ZNF385D: variants seen among roughly 807,000 people sequenced by gnomAD.
ZNF385D encodes zinc finger protein 659.
A neutral mutation model predicts 35.8 loss-of-function variants in ZNF385D; 15 were observed. That is an observed-to-expected ratio of 0.42 (90% CI 0.28 to 0.64). The LOEUF is 0.64. ZNF385D is among the 30% of genes least tolerant of loss of function. The probability of loss-of-function intolerance (pLI) is 0.23; values close to 1 mark genes in which losing one functional copy is unlikely to be tolerated. For synonymous variants in ZNF385D, 212 were observed against 186.8 expected, an observed-to-expected ratio of 1.13 and a Z score of -1.10; for missense variants, 474 against 494.6, an observed-to-expected ratio of 0.96 and a Z score of 0.39.
chr3:21,602,823 G>T (rs947537053), intron 2 of ZNF385D, among the ~76,000 whole-genome samples: 1 of 151,972 alleles, frequency 6.6e-6, no homozygotes, highest in Admixed American at 6.6e-5. Context: ...GTGAGCCACC[G>T]CGCCCGGCCT....
intron 3 of ZNF385D, among the ~76,000 whole-genome samples, chr3:21,999,893 G>A (rs934002776): frequency 2.0e-5 from 3 of 152,074 alleles, no homozygotes; most frequent in South Asian, 2.1e-4. Context: ...AGAAGAGATG[G>A]GTGAAGGCAA....
chr3:21,944,565 G>C (rs975317209), intron 3 of ZNF385D, among the ~76,000 whole-genome samples: 7 of 152,128 alleles, frequency 4.6e-5, no homozygotes, highest in African/African-American at 1.7e-4. Context: ...CTGAAATTAC[G>C]TCAACCCTGT....
chr3:22,175,488 G>A (rs988959521), intron 2 of ZNF385D, among the ~76,000 whole-genome samples: 1 of 151,990 alleles, frequency 6.6e-6, no homozygotes, highest in East Asian at 1.9e-4. Context: ...GATTTGAAAG[G>A]TGGCTCTAGC....
At chr3:21,501,587 G>A (rs1191248642) in intron 4 of ZNF385D, among the ~76,000 whole-genome samples, 1 of 152,132 alleles carries the variant, frequency 6.6e-6, no homozygotes, top group Non-Finnish European at 1.5e-5. Flanking sequence ...CCATATTGGA[G>A]ACAAAATTCT....
intron 3 of ZNF385D, among the ~76,000 whole-genome samples, chr3:21,547,619 TG>T (rs1250245752): frequency 2.6e-5 from 4 of 151,228 alleles, no homozygotes; most frequent in Non-Finnish European, 5.9e-5. Context: ...TGTTTTGTTT[TG>T]TTTTTTTTTT....
In ZNF385D at chr3:21,496,043, G is replaced by T. The variant is rs544929597; in HGVS notation, c.439+14818C>A. Among the ~76,000 whole-genome samples, 171 of 151,814 alleles carry T rather than the reference G, an allele frequency of 1.1e-3. 1 individual carries two copies. Among genetic ancestry groups the T allele is most frequent in the African/African-American group, 4.1e-3 (168 of 41,442 alleles). ...AAAACCAATAACAAGTTCCAAAATT[G>T]AATCAGTGATAAAAAGCCTGGTAAC... On this transcript the variant is annotated intron_variant, in intron 4 of 7. Coordinates refer to ENST00000281523, the MANE Select transcript of ZNF385D (RefSeq NM_024697.3).
chr3:21,566,867 T>C (rs2063166944), intron 2 of ZNF385D, among the ~76,000 whole-genome samples: 1 of 152,160 alleles, frequency 6.6e-6, no homozygotes, highest in South Asian at 2.1e-4. Flanking sequence ...TCCCAGACCC[T>C]GAAACCACTG....
intron 2 of ZNF385D, among the ~76,000 whole-genome samples, chr3:22,203,769 A>C (rs116213857): frequency 6.6e-6 from 1 of 152,140 alleles, no homozygotes; most frequent in Non-Finnish European, 1.5e-5. Flanking sequence ...AAGAGAAAAG[A>C]AAAGTGGGAA....
chr3:21,797,572 T>G (rs1420075292), intron 3 of ZNF385D, among the ~76,000 whole-genome samples: 1 of 152,218 alleles, frequency 6.6e-6, no homozygotes, highest in Non-Finnish European at 1.5e-5. Flanking sequence ...TATTCATAAT[T>G]GCCCAAACTT....
chr3:22,271,351 T>C (rs186296745), intron 2 of ZNF385D, among the ~76,000 whole-genome samples: 49 of 152,146 alleles, frequency 3.2e-4, no homozygotes, highest in African/African-American at 9.6e-4. Flanking sequence ...AAGTTTTCTA[T>C]ACAGACTTTT....
intron 2 of ZNF385D, among the ~76,000 whole-genome samples, chr3:21,611,351 A>G (rs1374486038): frequency 2.0e-5 from 3 of 152,218 alleles, no homozygotes; most frequent in Non-Finnish European, 4.4e-5. Context: ...CTGCGCTTGC[A>G]ATCCAGGTGG....
At chr3:22,329,757 T>C (rs544580255) in intron 2 of ZNF385D, among the ~76,000 whole-genome samples, 99 of 152,072 alleles carry the variant, frequency 6.5e-4, no homozygotes, top group African/African-American at 2.2e-3. Context: ...CAGGAAGAAG[T>C]ACAAAGAAAC....
intron 2 of ZNF385D, among the ~76,000 whole-genome samples, chr3:22,348,826 A>G (rs1229624453): frequency 6.6e-6 from 1 of 152,150 alleles, no homozygotes; most frequent in African/African-American, 2.4e-5. Context: ...GGCTTCTAGA[A>G]CTATGAGAAA....
At chr3:22,150,455 T>A (rs560060601) in intron 3 of ZNF385D, among the ~76,000 whole-genome samples, 9 of 152,026 alleles carry the variant, frequency 5.9e-5, no homozygotes, top group African/African-American at 2.4e-5. Flanking sequence ...GATATAAAAA[T>A]AGGCCAAAAA....
chr3:21,775,819 G>C (rs917132090), intron 3 of ZNF385D, among the ~76,000 whole-genome samples: 1 of 151,654 alleles, frequency 6.6e-6, no homozygotes, highest in East Asian at 1.9e-4. Context: ...TTTCTTTCTA[G>C]AGCTCATTTG....
intron 3 of ZNF385D, among the ~76,000 whole-genome samples, chr3:21,783,977 T>C (rs2071589476): frequency 6.6e-6 from 1 of 152,132 alleles, no homozygotes; most frequent in Non-Finnish European, 1.5e-5. Context: ...AGATTTCTTT[T>C]TTCTTTTCCT....
intron 1 of ZNF385D, among the ~76,000 whole-genome samples, chr3:21,700,195 G>A (rs935527095): frequency 7.9e-5 from 12 of 152,012 alleles, no homozygotes; most frequent in Admixed American, 6.6e-4. Context: ...CCAGGTTGTG[G>A]GGGTAAAGGG....
At chr3:21,667,719 G>C (rs1469627817) in intron 1 of ZNF385D, among the ~76,000 whole-genome samples, 2 of 151,982 alleles carry the variant, frequency 1.3e-5, no homozygotes, top group East Asian at 1.9e-4. Context: ...TCTGGTTTAG[G>C]GTATCCAAAG....
chr3:21,644,409 G>T (rs1196245324), intron 2 of ZNF385D, among the ~76,000 whole-genome samples: 1 of 151,998 alleles, frequency 6.6e-6, no homozygotes, highest in Non-Finnish European at 1.5e-5. Context: ...CAGAATGCAG[G>T]TTCACACACA....
Sources: gnomAD v4.1 joint callset for allele counts (sites outside exome capture counted in the v4.1 genomes callset) on GRCh38, gnomAD v4.1.1 for gene constraint, MANE v1.5 for transcripts, NCBI Gene and HGNC (gene_info 2026-07-23, HGNC 2026-07-21) for gene names.